Variants in SOCS2 observed in about 807,000 individuals in gnomAD.
SOCS2 encodes suppressor of cytokine signaling 2.
Under a neutral mutation model 18.6 loss-of-function variants are expected in SOCS2, and 10 were observed. That is an observed-to-expected ratio of 0.54 (90% confidence interval 0.33 to 0.91). SOCS2 has a LOEUF of 0.91. Among genes scored for constraint, SOCS2 ranks in the 40% least tolerant of loss-of-function variants. The pLI, the probability that SOCS2 is intolerant of heterozygous loss-of-function variation, is 0.02. For synonymous variants in SOCS2, 104 were observed against 104.0 expected, an observed-to-expected ratio of 1.00 and a Z score of 0.00; for missense variants, 231 against 247.2, an observed-to-expected ratio of 0.93 and a Z score of 0.44.
At chr12:93,579,282 T>C (rs978933611), downstream of SOCS2, among the ~76,000 whole-genome samples, 4 of 152,222 alleles carry the variant, frequency 2.6e-5, no homozygotes, top group Admixed American at 6.5e-5. Context: ...TAACACAGCC[T>C]TTCTGGCCGC....
chr12:93,610,502 T>C, the SOCS2 span, among the ~76,000 whole-genome samples: 1 of 152,222 alleles, frequency 6.6e-6, no homozygotes, highest in Non-Finnish European at 1.5e-5. Flanking sequence ...AACATTGTGC[T>C]ATGACTTGAA....
At chr12:93,582,016 A>G (rs538324697) in intron 1 of SOCS2, among the ~76,000 whole-genome samples, 24 of 152,352 alleles carry the variant, frequency 1.6e-4, no homozygotes, top group African/African-American at 5.5e-4. Context: ...TCAGGATACC[A>G]TATTGTATAG....
At chr12:93,596,517 T>A in the SOCS2 span, among the ~76,000 whole-genome samples, 198 of 152,210 alleles carry the variant, frequency 1.3e-3, no homozygotes, top group African/African-American at 4.2e-3. Context: ...ATGCATTTGA[T>A]CTCTTGAATG....
At chr12:93,577,424 A>G (rs1328306637), downstream of SOCS2, among the ~76,000 whole-genome samples, 1 of 151,952 alleles carries the variant, frequency 6.6e-6, no homozygotes, top group Non-Finnish European at 1.5e-5. Flanking sequence ...ATCTCATTTA[A>G]TTTTCCCAAG....
Position 93,572,881 on chromosome 12 carries a change from G to T in SOCS2, c.-17G>T. On this transcript the variant is annotated 5_prime_UTR_variant, in exon 1 of 2. Coordinates refer to ENST00000551556, the MANE Select transcript of SOCS2 (RefSeq NM_001270471.2). This position sits in a 1 kb window ranked among gnomAD's most constrained non-coding sequence, Gnocchi z 5.0. Reference sequence around the variant, plus strand: ...GCTCGGGCGGCCACCTGTCTTTGCCGCGGTGACCCTTCTCTCATGACCCTG... The same window carrying T: ...GCTCGGGCGGCCACCTGTCTTTGCCTCGGTGACCCTTCTCTCATGACCCTG... 6.4e-7 allele frequency: 1 copy of T among 1,566,060 alleles called. No homozygotes were observed. The highest frequency in any genetic ancestry group is 8.7e-7 in the Non-Finnish European group (1 of 1,154,758).
At chr12:93,610,498 G>T in the SOCS2 span, among the ~76,000 whole-genome samples, 4 of 152,166 alleles carry the variant, frequency 2.6e-5, no homozygotes, top group Non-Finnish European at 4.4e-5. Flanking sequence ...GAGTAACATT[G>T]TGCTATGACT....
chr12:93,600,333 G>A, the SOCS2 span, among the ~76,000 whole-genome samples: 1 of 151,540 alleles, frequency 6.6e-6, no homozygotes. Flanking sequence ...ATTCTGTTCT[G>A]CTCTTCTATT....
At chr12:93,572,664 C>A, upstream of SOCS2, 3 of 709,170 alleles carry the variant, frequency 4.2e-6, no homozygotes, top group Middle Eastern at 2.3e-4. The surrounding 1 kb of genome is among the most constrained non-coding windows in gnomAD (Gnocchi z 5.0). Flanking sequence ...ACTGACCCAA[C>A]CTCCCGCTTT....
chr12:93,605,195 C>T, the SOCS2 span, among the ~76,000 whole-genome samples: 13 of 152,130 alleles, frequency 8.5e-5, no homozygotes, highest in Non-Finnish European at 1.8e-4. Flanking sequence ...CACCACCACC[C>T]ACATTTAACA....
chr12:93,574,421 T>C (rs768775), intron 1 of SOCS2: 47,596 of 241,792 alleles, frequency 0.2, 5,714 homozygotes, highest in East Asian at 0.44. Flanking sequence ...CAGTGTGTCA[T>C]GCTGCAGATG....
chr12:93,618,112 A>G, the SOCS2 span, among the ~76,000 whole-genome samples: 1 of 151,370 alleles, frequency 6.6e-6, no homozygotes, highest in Non-Finnish European at 1.5e-5. Flanking sequence ...GGCACCTCCC[A>G]CTCTCTCTTC....
At chr12:93,591,377 A>C in the SOCS2 span, among the ~76,000 whole-genome samples, 3 of 152,130 alleles carry the variant, frequency 2.0e-5, no homozygotes, top group Admixed American at 1.3e-4. Context: ...GGAACTAGTT[A>C]AGGGAGAATG....
chr12:93,614,405 C>CTTTCTTTCT, the SOCS2 span, among the ~76,000 whole-genome samples: 2 of 140,810 alleles, frequency 1.4e-5, no homozygotes, highest in Non-Finnish European at 3.0e-5. Context: ...TTCTTTCTTT[C>CTTTCTTTCT]TTTCTTTCTT....
At chr12:93,598,866 C>T in the SOCS2 span, among the ~76,000 whole-genome samples, 1 of 152,112 alleles carries the variant, frequency 6.6e-6, no homozygotes, top group East Asian at 1.9e-4. Flanking sequence ...AATAGAATTG[C>T]TGGGGTCTTT....
At chr12:93,600,925 A>T in the SOCS2 span, among the ~76,000 whole-genome samples, 1 of 151,536 alleles carries the variant, frequency 6.6e-6, no homozygotes, top group South Asian at 2.1e-4. Flanking sequence ...AGTAGCTGGG[A>T]CTACGATTGT....
downstream of SOCS2, among the ~76,000 whole-genome samples, chr12:93,577,454 A>G (rs1954481922): frequency 1.3e-5 from 2 of 151,906 alleles, no homozygotes; most frequent in African/African-American, 4.8e-5. Flanking sequence ...AGCAAAGTAC[A>G]ATGATGATAG....
At chr12:93,587,606 G>T (rs1039315625), downstream of SOCS2, among the ~76,000 whole-genome samples, 14 of 151,780 alleles carry the variant, frequency 9.2e-5, no homozygotes, top group African/African-American at 3.4e-4. Flanking sequence ...GCTTGAACCT[G>T]GGAGGCAGAG....
At chr12:93,596,214 C>A in the SOCS2 span, among the ~76,000 whole-genome samples, 1 of 152,182 alleles carries the variant, frequency 6.6e-6, no homozygotes, top group Non-Finnish European at 1.5e-5. Context: ...TTATGCCATG[C>A]ACTTTACATA....
the SOCS2 span, among the ~76,000 whole-genome samples, chr12:93,606,816 C>G: frequency 2.0e-5 from 3 of 152,078 alleles, no homozygotes; most frequent in East Asian, 1.9e-4. Flanking sequence ...CCACACCCAG[C>G]TAATTTTTGT....
Sources: allele counts gnomAD v4.1 joint callset (sites outside exome capture counted in the v4.1 genomes callset), GRCh38; gene constraint gnomAD v4.1.1; non-coding constraint Gnocchi (gnomAD v3.1); transcripts MANE v1.5; gene names NCBI Gene and HGNC (gene_info 2026-07-23, HGNC 2026-07-21).